Variants in NHSL1 observed in about 807,000 individuals in gnomAD.
NHSL1 encodes NHS like 1.
A neutral mutation model predicts 95.0 loss-of-function variants in NHSL1; 48 were observed. The ratio of observed to expected loss-of-function variants is 0.51; its 90% confidence interval spans 0.40 to 0.64. The LOEUF is 0.64. Among genes scored for constraint, NHSL1 ranks in the 30% least tolerant of loss-of-function variants. The probability of loss-of-function intolerance (pLI) is 0.00; values close to 1 mark genes in which losing one functional copy is unlikely to be tolerated. For missense variants in NHSL1, 1,971 were observed against 2,077.7 expected (o/e 0.95, Z 1.00); for synonymous variants, 783 against 833.9 (o/e 0.94, Z 1.05).
chr6:138,664,756 C>T (rs1315550470), intron 1 of NHSL1, among the ~76,000 whole-genome samples: 1 of 152,190 alleles, frequency 6.6e-6, no homozygotes, highest in Admixed American at 6.5e-5. Flanking sequence ...AAAATTGGCT[C>T]ATGCAATTGT....
In NHSL1 at chr6:138,458,806, C is replaced by G. The variant is rs141472422; in HGVS notation, c.340-11613G>C. Among the ~76,000 whole-genome samples the G allele has an allele frequency of 6.5e-3, 839 of 129,916 alleles. 8 individuals carry two copies. Among genetic ancestry groups the G allele is most frequent in the Middle Eastern group, 0.037 (8 of 218 alleles). 85.2% of individuals were successfully genotyped at this position (129,916 alleles called of 152,430 possible). A position where few individuals can be genotyped will look rare whatever the true frequency, so the allele number is the denominator to read the frequency against. ...ACACCACTGCACTCCAGCCTGGCAA[C>G]AGAGTACGTGAAAATCTGTCTCAAA... On this transcript the variant is annotated intron_variant, in intron 3 of 7. Transcript: ENST00000343505.
chr6:138,603,851 T>C (rs1346660383), intron 1 of NHSL1, among the ~76,000 whole-genome samples: 3 of 152,206 alleles, frequency 2.0e-5, no homozygotes, highest in African/African-American at 7.2e-5. Flanking sequence ...CACATACCTG[T>C]ACCAACCACA....
intron 2 of NHSL1, among the ~76,000 whole-genome samples, chr6:138,480,529 T>G (rs925101781): frequency 1.3e-5 from 2 of 152,242 alleles, no homozygotes; most frequent in African/African-American, 4.8e-5. Context: ...TGGGTAGTGT[T>G]GACGTGTATG....
chr6:138,458,390 C>A (rs7747679), intron 3 of NHSL1, among the ~76,000 whole-genome samples: 32,537 of 152,032 alleles, frequency 0.21, 4,624 homozygotes, highest in African/African-American at 0.4. Context: ...CTCCTCCTCT[C>A]ATCCCCCAAA....
chr6:138,455,026 G>C (rs1777490543), intron 3 of NHSL1, among the ~76,000 whole-genome samples: 1 of 152,192 alleles, frequency 6.6e-6, no homozygotes, highest in Non-Finnish European at 1.5e-5. Context: ...AAGAGAAACT[G>C]GAATGGGTCA....
chr6:138,648,109 C>A (rs573456344), intron 1 of NHSL1, among the ~76,000 whole-genome samples: 1 of 152,046 alleles, frequency 6.6e-6, no homozygotes. Context: ...CACTGATGAA[C>A]CTATTTTTAT....
chr6:138,429,482 A>G (rs1325363455), intron 7 of NHSL1, among the ~76,000 whole-genome samples: 2 of 152,220 alleles, frequency 1.3e-5, no homozygotes, highest in African/African-American at 4.8e-5. Context: ...AGAACGTATC[A>G]CATTGAGCCA....
At chr6:138,449,840 A>G (rs1483175398) in intron 3 of NHSL1, among the ~76,000 whole-genome samples, 5 of 152,268 alleles carry the variant, frequency 3.3e-5, no homozygotes, top group African/African-American at 1.2e-4. Flanking sequence ...AGATATCTCA[A>G]TACATTTACT....
intron 3 of NHSL1, among the ~76,000 whole-genome samples, chr6:138,471,510 C>T (rs904196598): frequency 2.0e-5 from 3 of 152,110 alleles, no homozygotes; most frequent in Non-Finnish European, 4.4e-5. Context: ...AAGATACCGT[C>T]TTTGTATATT....
intron 3 of NHSL1, among the ~76,000 whole-genome samples, chr6:138,460,968 T>G (rs1262459689): frequency 2.0e-5 from 3 of 151,916 alleles, no homozygotes; most frequent in African/African-American, 7.3e-5. Flanking sequence ...CTCCCTGACC[T>G]ACCCATTGCA....
intron 3 of NHSL1, among the ~76,000 whole-genome samples, chr6:138,455,534 TCACA>T (rs1777549387): frequency 2.7e-5 from 3 of 110,166 alleles, no homozygotes; most frequent in African/African-American, 9.1e-5. Context: ...AGCCCCGCCT[TCACA>T]TGCTCCCTGC....
intron 5 of NHSL1, among the ~76,000 whole-genome samples, chr6:138,440,249 C>T (rs544296141): frequency 1.3e-5 from 2 of 152,214 alleles, no homozygotes; most frequent in African/African-American, 4.8e-5. Flanking sequence ...CATATGAGTA[C>T]AGATTAGTTT....
intron 1 of NHSL1, among the ~76,000 whole-genome samples, chr6:138,545,070 A>G (rs1782736520): frequency 7.0e-6 from 1 of 142,536 alleles, no homozygotes; most frequent in Admixed American, 7.8e-5. Flanking sequence ...GGCTCACTGC[A>G]ACATCCAACT....
chr6:138,433,005 C>G lies in NHSL1; in HGVS notation c.1340G>C (p.Arg447Thr), dbSNP rs1475543910. The change falls in exon 6 of 8, where the codon AGG becomes ACG. Residue 447 changes from arginine (R) to threonine (T), a missense_variant. Arg to Thr is a moderately conservative substitution (Grantham distance 71). This residue lies in a region of NHSL1 where 1,602 missense variants were observed against 1,654.5 expected (regional missense o/e 0.97). Transcript: ENST00000343505. Reference protein sequence around the residue: ...ESKSSGSSHARIKSRDHLISR... With the variant: ...ESKSSGSSHATIKSRDHLISR... ...GATGAGGTGGTCTCTGGATTTTATC[C>G]TTGCATGTGATGAGCCAGAACTTTT... is the stretch of plus-strand genomic sequence containing the variant. 5 of 1,551,618 alleles carry G rather than the reference C, an allele frequency of 3.2e-6. No homozygotes were observed. The highest frequency in any genetic ancestry group is 4.4e-6 in the Non-Finnish European group (5 of 1,146,992).
intron 2 of NHSL1, among the ~76,000 whole-genome samples, chr6:138,480,819 A>G (rs1294586866): frequency 6.6e-6 from 1 of 152,180 alleles, no homozygotes; most frequent in Non-Finnish European, 1.5e-5. Flanking sequence ...CGGATGACTG[A>G]TTTTTAAAGC....
intron 1 of NHSL1, among the ~76,000 whole-genome samples, chr6:138,567,368 T>C (rs1783659545): frequency 6.6e-6 from 1 of 152,124 alleles, no homozygotes; most frequent in Non-Finnish European, 1.5e-5. Flanking sequence ...GGCTCAAGTG[T>C]TATGCCCACT....
At chr6:138,642,488 T>G (rs914279482) in intron 1 of NHSL1, among the ~76,000 whole-genome samples, 1 of 152,212 alleles carries the variant, frequency 6.6e-6, no homozygotes, top group Non-Finnish European at 1.5e-5. Context: ...ATGTGAAATG[T>G]ACAGTGTTGG....
chr6:138,579,753 C>A (rs1784024579), intron 1 of NHSL1, among the ~76,000 whole-genome samples: 1 of 152,196 alleles, frequency 6.6e-6, no homozygotes, highest in Non-Finnish European at 1.5e-5. Flanking sequence ...ATCAGTTTTT[C>A]CTAGTAGATG....
intron 1 of NHSL1, among the ~76,000 whole-genome samples, chr6:138,517,492 G>A (rs1222683345): frequency 6.6e-6 from 1 of 152,162 alleles, no homozygotes; most frequent in Non-Finnish European, 1.5e-5. Context: ...GAACATGTAA[G>A]ATCTAACCAC....
Sources: allele counts gnomAD v4.1 joint callset (sites outside exome capture counted in the v4.1 genomes callset), GRCh38; gene constraint gnomAD v4.1.1; regional missense constraint gnomAD v4.1.1; transcripts MANE v1.5; gene names NCBI Gene and HGNC (gene_info 2026-07-23, HGNC 2026-07-21).